The following HNF4G variants were observed in gnomAD, a reference collection of about 807,000 sequenced individuals.
The protein encoded by HNF4G is hepatocyte nuclear factor 4 gamma, also known as hepatocyte nuclear factor 4-gamma.
In HNF4G, 21 loss-of-function variants were observed where a neutral mutation model predicts 50.9. The ratio of observed to expected loss-of-function variants is 0.41; its 90% CI spans 0.29 to 0.59. The LOEUF is 0.59. Among genes scored for constraint, HNF4G ranks in the 20% least tolerant of loss-of-function variants. HNF4G has a pLI of 0.26. For missense variants in HNF4G, 527 were observed against 559.4 expected (o/e 0.94, Z 0.58); for synonymous variants, 198 against 185.6 (o/e 1.07, Z -0.54).
intron 1 of HNF4G, among the ~76,000 whole-genome samples, chr8:75,414,396 C>A (rs929426739): frequency 3.3e-5 from 5 of 151,944 alleles, no homozygotes; most frequent in Admixed American, 2.0e-4. Context: ...TATTGACATA[C>A]CATAAACAGC....
At chr8:75,468,510 A>C (rs2130625959) in intron 1 of HNF4G, among the ~76,000 whole-genome samples, 1 of 152,250 alleles carries the variant, frequency 6.6e-6, no homozygotes, top group East Asian at 1.9e-4. Context: ...CCTGACCAAC[A>C]TGTTGAAACC....
chr8:75,555,737 T>C (rs1177991194), intron 5 of HNF4G, among the ~76,000 whole-genome samples: 1 of 152,036 alleles, frequency 6.6e-6, no homozygotes, highest in Non-Finnish European at 1.5e-5. Context: ...CTGCTTTTTT[T>C]TTTTTTCTTT....
intron 2 of HNF4G, among the ~76,000 whole-genome samples, chr8:75,531,415 T>C (rs1026025165): frequency 1.3e-5 from 2 of 152,158 alleles, no homozygotes; most frequent in African/African-American, 4.8e-5. Flanking sequence ...TGATAAAAAT[T>C]ACATTTACAA....
At chr8:75,560,590 A>C in intron 9 of HNF4G, 124 bp downstream of exon 9, 1 of 756,872 alleles carries the variant, frequency 1.3e-6, no homozygotes, top group Non-Finnish European at 2.1e-6. Flanking sequence ...CCCATCTGAG[A>C]CTCAGCAGTA....
At chr8:75,528,552 T>A (rs1806241815) in intron 2 of HNF4G, among the ~76,000 whole-genome samples, 1 of 152,210 alleles carries the variant, frequency 6.6e-6, no homozygotes, top group Non-Finnish European at 1.5e-5. Flanking sequence ...AGGTCCCTCA[T>A]AGAACAAGGT....
At chr8:75,474,472 T>C (rs562848607) in intron 1 of HNF4G, among the ~76,000 whole-genome samples, 1 of 152,278 alleles carries the variant, frequency 6.6e-6, no homozygotes, top group South Asian at 2.1e-4. Flanking sequence ...TTGAGTATTG[T>C]ATGAAGGTTT....
At chr8:75,437,698 TAAAAA>T (rs202029928) in intron 1 of HNF4G, among the ~76,000 whole-genome samples, 1 of 151,278 alleles carries the variant, frequency 6.6e-6, no homozygotes, top group Non-Finnish European at 1.5e-5. Flanking sequence ...AAAAATAAAA[TAAAAA>T]AAGAAATGTT....
chr8:75,520,403 T>A (rs74657806), intron 2 of HNF4G, among the ~76,000 whole-genome samples: 7,469 of 152,110 alleles, frequency 0.049, 207 homozygotes, highest in African/African-American at 0.06. Flanking sequence ...ATTATGATTT[T>A]ACTTTCTTTC....
chr8:75,497,298 C>T (rs1048598767), intron 2 of HNF4G, among the ~76,000 whole-genome samples: 1 of 152,086 alleles, frequency 6.6e-6, no homozygotes, highest in Non-Finnish European at 1.5e-5. Context: ...CTGCTGGACA[C>T]ATAGAGACCA....
intron 1 of HNF4G, among the ~76,000 whole-genome samples, chr8:75,441,213 T>C (rs1290094654): frequency 6.6e-6 from 1 of 152,096 alleles, no homozygotes; most frequent in Non-Finnish European, 1.5e-5. Flanking sequence ...AACAAATTTT[T>C]AATTTTTAAT....
chr8:75,470,891 T>C (rs750337184), intron 1 of HNF4G, among the ~76,000 whole-genome samples: 16 of 152,196 alleles, frequency 1.1e-4, no homozygotes, highest in Non-Finnish European at 1.5e-5. Flanking sequence ...AGGGGTTAAG[T>C]CACTCTAGTC....
chr8:75,418,366 A>G (rs1021305498), intron 1 of HNF4G, among the ~76,000 whole-genome samples: 1 of 152,206 alleles, frequency 6.6e-6, no homozygotes, highest in Non-Finnish European at 1.5e-5. Context: ...AGTTCAGCCA[A>G]TAATAACAGG....
chr8:75,496,994 A>T (rs1812786600), intron 2 of HNF4G, among the ~76,000 whole-genome samples: 1 of 152,150 alleles, frequency 6.6e-6, no homozygotes, highest in South Asian at 2.1e-4. Context: ...ATATTTCCTC[A>T]GTTCCAATGC....
chr8:75,553,209 A>T lies in HNF4G; in HGVS notation c.645+12A>T. ...CATTGGATGATCAGGTACACATTTA[A>T]AACTTTATAAATGCTTTAAAAATGC... is the stretch of plus-strand genomic sequence containing the variant. On this transcript the variant is annotated intron_variant, in intron 5 of 9. Coordinates refer to ENST00000396423, the MANE Select transcript of HNF4G (RefSeq NM_004133.5). The T allele has an allele frequency of 6.3e-7, 1 of 1,598,944 alleles. No homozygotes were observed. The highest frequency in any genetic ancestry group is 1.1e-5 in the South Asian group (1 of 89,122).
chr8:75,474,826 T>A (rs1182034045), intron 1 of HNF4G, among the ~76,000 whole-genome samples: 1 of 151,120 alleles, frequency 6.6e-6, no homozygotes. Flanking sequence ...GCCTCCGGAG[T>A]AGCTGGTATT....
intron 1 of HNF4G, chr8:75,408,175 G>GC (rs1810408868): frequency 6.5e-6 from 1 of 153,312 alleles, no homozygotes; most frequent in Admixed American, 6.5e-5. Flanking sequence ...GCGGCAGCGG[G>GC]CAGTGGGGGG....
intron 1 of HNF4G, among the ~76,000 whole-genome samples, chr8:75,443,085 T>C (rs1285990088): frequency 6.6e-6 from 1 of 152,108 alleles, no homozygotes; most frequent in Non-Finnish European, 1.5e-5. Context: ...ATGGGATTAG[T>C]TCCTTTATAA....
chr8:75,409,733 C>T (rs756655205), intron 1 of HNF4G, among the ~76,000 whole-genome samples: 6 of 151,884 alleles, frequency 4.0e-5, no homozygotes, highest in East Asian at 1.9e-4. Context: ...GTGATCTGCC[C>T]GTCTTGACAT....
chr8:75,493,124 A>C (rs1397432598), intron 2 of HNF4G, among the ~76,000 whole-genome samples: 1 of 152,180 alleles, frequency 6.6e-6, no homozygotes, highest in Non-Finnish European at 1.5e-5. Flanking sequence ...GAAAACATGT[A>C]GATCTACCTT....
Sources: allele counts gnomAD v4.1 joint callset (sites outside exome capture counted in the v4.1 genomes callset), GRCh38; gene constraint gnomAD v4.1.1; transcripts MANE v1.5; gene names NCBI Gene and HGNC (gene_info 2026-07-23, HGNC 2026-07-21).